The following GBE1 variants were observed in gnomAD, a reference collection of about 807,000 sequenced individuals.
GBE1 encodes 1,4-alpha-glucan-branching enzyme.
Under a neutral mutation model 88.8 loss-of-function variants are expected in GBE1, and 70 were observed. That is an observed-to-expected ratio of 0.79 (90% confidence interval 0.65 to 0.96). GBE1 has a LOEUF of 0.96. GBE1 is among the 40% of genes least tolerant of loss of function. The probability of loss-of-function intolerance (pLI) is 0.00; values close to 1 mark genes in which losing one functional copy is unlikely to be tolerated. For synonymous variants in GBE1, 284 were observed against 300.1 expected (o/e 0.95, Z 0.56); for missense variants, 872 against 871.0 (o/e 1.00, Z -0.01).
chr3:81,677,670 A>AAAT (rs947747805), intron 2 of GBE1, among the ~76,000 whole-genome samples: 10 of 152,086 alleles, frequency 6.6e-5, no homozygotes, highest in Non-Finnish European at 1.2e-4. Flanking sequence ...CCTTTCTGAC[A>AAAT]TATTGCCCTG....
At chr3:81,716,805 T>A (rs1705943770) in intron 1 of GBE1, among the ~76,000 whole-genome samples, 1 of 152,234 alleles carries the variant, frequency 6.6e-6, no homozygotes, top group South Asian at 2.1e-4. Context: ...AGCAAATTAA[T>A]AATATATTGA....
chr3:81,643,701 C>G (rs1704724574), intron 6 of GBE1, among the ~76,000 whole-genome samples: 2 of 152,180 alleles, frequency 1.3e-5, no homozygotes, highest in Admixed American at 1.3e-4. Flanking sequence ...CTCTTCCTCA[C>G]TCGACTATAT....
At chr3:81,750,645 G>GTGTATATATATGTA (rs1262682549) in intron 1 of GBE1, among the ~76,000 whole-genome samples, 2 of 47,714 alleles carry the variant, frequency 4.2e-5, no homozygotes, top group East Asian at 3.7e-3. Flanking sequence ...ATATATATAT[G>GTGTATATATATGTA]TATATATATA....
chr3:81,578,189 G>T, intron 11 of GBE1, 93 bp from the exon 12 acceptor site: 1 of 889,104 alleles, frequency 1.1e-6, no homozygotes. Context: ...CAAATGTTAG[G>T]AAACATCGTA....
At chr3:81,580,897 T>C (rs557550592) in intron 11 of GBE1, among the ~76,000 whole-genome samples, 3 of 152,218 alleles carry the variant, frequency 2.0e-5, no homozygotes, top group Admixed American at 2.0e-4. Flanking sequence ...GCAACTGCAA[T>C]GTATAATCTA....
intron 12 of GBE1, among the ~76,000 whole-genome samples, chr3:81,555,777 C>T (rs1201771970): frequency 1.3e-5 from 2 of 152,132 alleles, no homozygotes; most frequent in Non-Finnish European, 2.9e-5. Context: ...AGTTAAATAT[C>T]CCCTCCTCTG....
At chr3:81,638,379 A>C (rs1036255260) in intron 7 of GBE1, among the ~76,000 whole-genome samples, 1 of 152,156 alleles carries the variant, frequency 6.6e-6, no homozygotes, top group Non-Finnish European at 1.5e-5. Context: ...AGAAATATTT[A>C]ACGAACAAAA....
chr3:81,695,096 C>A (rs1463880093), intron 2 of GBE1, among the ~76,000 whole-genome samples: 1 of 152,200 alleles, frequency 6.6e-6, no homozygotes, highest in African/African-American at 2.4e-5. Context: ...TAGAGAAACA[C>A]TACATTTTAA....
chr3:81,588,731 T>G (rs897755479), intron 9 of GBE1, among the ~76,000 whole-genome samples: 1 of 152,140 alleles, frequency 6.6e-6, no homozygotes, highest in Non-Finnish European at 1.5e-5. Flanking sequence ...CCCTCTCTAG[T>G]TCTGTTTTCT....
chr3:81,701,839 C>T (rs532302524), intron 2 of GBE1, among the ~76,000 whole-genome samples: 1 of 151,718 alleles, frequency 6.6e-6, no homozygotes, highest in African/African-American at 2.4e-5. Flanking sequence ...CTGAATGATC[C>T]TCCCACCTCA....
intron 7 of GBE1, among the ~76,000 whole-genome samples, chr3:81,612,064 T>C (rs1390678838): frequency 3.3e-5 from 5 of 152,002 alleles, no homozygotes; most frequent in African/African-American, 4.8e-5. Context: ...TTAGCAGTGG[T>C]GGGAAGAAAC....
chr3:81,595,216 G>A (rs1380873193), intron 7 of GBE1, among the ~76,000 whole-genome samples: 7 of 151,462 alleles, frequency 4.6e-5, no homozygotes, highest in Non-Finnish European at 1.5e-5. Flanking sequence ...AAGCAACCTT[G>A]AAGGTAGTAT....
intron 12 of GBE1, among the ~76,000 whole-genome samples, chr3:81,561,750 C>T (rs1334877447): frequency 6.6e-6 from 1 of 151,996 alleles, no homozygotes; most frequent in Non-Finnish European, 1.5e-5. Flanking sequence ...CTTCAAAAGC[C>T]CTCTACGACC....
At chr3:81,673,377 T>C (rs528077188) in intron 2 of GBE1, among the ~76,000 whole-genome samples, 1 of 152,004 alleles carries the variant, frequency 6.6e-6, no homozygotes, top group East Asian at 1.9e-4. Flanking sequence ...CCAAATTTAG[T>C]GCTCTAAATT....
At chr3:81,707,108 C>T (rs971002174) in intron 1 of GBE1, among the ~76,000 whole-genome samples, 4 of 151,866 alleles carry the variant, frequency 2.6e-5, no homozygotes, top group African/African-American at 9.7e-5. Context: ...ATTAAATCCA[C>T]ATATTAAAAA....
intron 1 of GBE1, among the ~76,000 whole-genome samples, chr3:81,706,146 CAA>C (rs1156787766): frequency 6.6e-6 from 1 of 152,092 alleles, no homozygotes; most frequent in African/African-American, 2.4e-5. Context: ...GGGCCATGGA[CAA>C]AAAGTTAATG....
Position 81,627,766 on chromosome 3 carries a change from TAAAA to T in GBE1, c.992+15011_992+15014del, listed in dbSNP as rs869068286. ...TTTTACATATATATATATATATATA[TAAAA>T]AACATATATATTTGTTGTTGTTGTT... is the stretch of plus-strand genomic sequence containing the variant. On this transcript the variant is annotated intron_variant, in intron 7 of 15. Transcript: ENST00000429644. Among the ~76,000 whole-genome samples, 306 of 65,958 alleles carry T rather than the reference TAAAA, an allele frequency of 4.6e-3. 1 individual carries two copies. Among genetic ancestry groups the T allele is most frequent in the Middle Eastern group, 0.026 (4 of 154 alleles). The allele number at this position is 65,958 out of a possible 152,430, so 43.3% of individuals were successfully genotyped here.
At chr3:81,575,790 T>C (rs946146189) in intron 12 of GBE1, among the ~76,000 whole-genome samples, 6 of 152,134 alleles carry the variant, frequency 3.9e-5, no homozygotes, top group African/African-American at 1.4e-4. Flanking sequence ...AATGAACTAA[T>C]GCTAAAACAG....
chr3:81,550,953 T>C (rs1313366205), intron 12 of GBE1, among the ~76,000 whole-genome samples: 1 of 152,200 alleles, frequency 6.6e-6, no homozygotes, highest in Non-Finnish European at 1.5e-5. Flanking sequence ...TCTATGGACT[T>C]TCTCTGAATT....
Sources: gnomAD v4.1 joint callset for allele counts (sites outside exome capture counted in the v4.1 genomes callset) on GRCh38, gnomAD v4.1.1 for gene constraint, MANE v1.5 for transcripts, NCBI Gene and HGNC (gene_info 2026-07-23, HGNC 2026-07-21) for gene names.